Variants in GNPTAB observed in about 807,000 individuals in gnomAD.
GNPTAB encodes the protein N-acetylglucosamine-1-phosphotransferase subunits alpha/beta.
In GNPTAB, 92 loss-of-function variants were observed where a neutral mutation model predicts 136.6. The ratio of observed to expected loss-of-function variants is 0.67; its 90% CI spans 0.57 to 0.80. GNPTAB has a LOEUF of 0.80. Ranked by LOEUF, GNPTAB falls within the 30% of genes least tolerant of loss-of-function variation. The probability of loss-of-function intolerance (pLI) is 0.00; values close to 1 mark genes in which losing one functional copy is unlikely to be tolerated. For missense variants in GNPTAB, 1,343 were observed against 1,501.8 expected, an observed-to-expected ratio of 0.89 and a Z score of 1.75; for synonymous variants, 512 against 535.1, an observed-to-expected ratio of 0.96 and a Z score of 0.60.
rs536661111 is a variant in GNPTAB, at chr12:101,757,631, T to A, written c.3276A>T (p.Thr1092=). ...TTTTGTCAGTTACTGGTTTACAGTTTGTTACTAGACTTTTAGTGACCGGTG... is the reference window on the plus strand; with the variant it reads ...TTTTGTCAGTTACTGGTTTACAGTTAGTTACTAGACTTTTAGTGACCGGTG... ...NLPPVTKSLV[T]NCKPVTDKIH... Residue 1092 remains threonine (T), a synonymous_variant, in exon 17 of 21, where the codon ACA becomes ACT. Transcript: ENST00000299314. The A allele has an allele frequency of 3.2e-6, 5 of 1,585,272 alleles. No homozygotes were observed. The South Asian group carries it at 3.3e-5, about 11-fold the overall frequency.
Position 101,764,811 on chromosome 12 carries a change from G to C in GNPTAB, c.2106C>G (p.Leu702=). 1 of 1,614,166 alleles carries C rather than the reference G, an allele frequency of 6.2e-7. No individual in the cohort carries two copies. Among genetic ancestry groups the C allele is most frequent in the African/African-American group, 1.3e-5 (1 of 75,052 alleles). ...GACTCAACTGGGCGTCTTTTGGAAG[G>C]AGTGAAATATTTACCAGGGGAATTT... is the stretch of plus-strand genomic sequence containing the variant. The part of the protein sequence containing the change: ...EVKIPLVNIS[L]LPKDAQLSLN... Residue 702 remains leucine (L), a synonymous_variant, in exon 13 of 21, where the codon CTC becomes CTG. Coordinates refer to ENST00000299314, the MANE Select transcript of GNPTAB (RefSeq NM_024312.5).
At chr12:101,820,474 G>A (rs1050707092) in intron 1 of GNPTAB, among the ~76,000 whole-genome samples, 3 of 152,140 alleles carry the variant, frequency 2.0e-5, no homozygotes, top group African/African-American at 7.2e-5. Flanking sequence ...TTCTAATTCC[G>A]GATTTCTCAA....
At chr12:101,824,432 A>ATATATATATATATATATATTT (rs1188582277) in intron 1 of GNPTAB, among the ~76,000 whole-genome samples, 2 of 50,882 alleles carry the variant, frequency 3.9e-5, no homozygotes, top group Non-Finnish European at 7.0e-5. Flanking sequence ...ATATATATAT[A>ATATATATATATATATATATTT]TTTTCTTTTT....
chr12:101,782,968 A>G (rs1164237462), intron 5 of GNPTAB, among the ~76,000 whole-genome samples: 1 of 151,968 alleles, frequency 6.6e-6, no homozygotes, highest in African/African-American at 2.4e-5. Flanking sequence ...TGAGTGAGCA[A>G]TGTCCCTACC....
At chr12:101,796,297 G>A (rs779050060) in intron 2 of GNPTAB, 12 of 702,318 alleles carry the variant, frequency 1.7e-5, no homozygotes, top group Admixed American at 6.0e-5. Flanking sequence ...TGCAATTTAA[G>A]GTACCCAATA....
At chr12:101,796,079 C>A in intron 2 of GNPTAB, 1 of 594,600 alleles carries the variant, frequency 1.7e-6, no homozygotes, top group Non-Finnish European at 3.0e-6. Context: ...TTTGCTCCTC[C>A]CTCATAGGTA....
At chr12:101,806,177 A>T (rs768692336) in intron 1 of GNPTAB, among the ~76,000 whole-genome samples, 3 of 152,150 alleles carry the variant, frequency 2.0e-5, no homozygotes, top group South Asian at 2.1e-4. Context: ...AACATTATAT[A>T]AAAAAAGCAA....
chr12:101,800,166 C>A (rs1869529314), intron 1 of GNPTAB, among the ~76,000 whole-genome samples: 1 of 143,674 alleles, frequency 7.0e-6, no homozygotes, highest in Admixed American at 7.0e-5. Context: ...TCTCCTGGGA[C>A]CTCTGCCAGC....
At chr12:101,768,574 T>C (rs2137121795) in intron 10 of GNPTAB, among the ~76,000 whole-genome samples, 1 of 152,352 alleles carries the variant, frequency 6.6e-6, no homozygotes, top group South Asian at 2.1e-4. Context: ...ATTAGTGTAT[T>C]TGTGCATAAT....
At chr12:101,781,191 GGAGA>G (rs1004392822) in intron 5 of GNPTAB, among the ~76,000 whole-genome samples, 5 of 152,170 alleles carry the variant, frequency 3.3e-5, no homozygotes, top group Non-Finnish European at 7.4e-5. Flanking sequence ...AGCCCAACTG[GGAGA>G]GAGTTAGTGA....
chr12:101,796,813 A>T, intron 1 of GNPTAB, 51 bp from the exon 2 acceptor site: 1 of 1,162,266 alleles, frequency 8.6e-7, no homozygotes, highest in East Asian at 2.3e-5. Context: ...CTAAGAGTAT[A>T]TAACTTTCAT....
At chr12:101,763,708 G>T (rs1953037198) in intron 13 of GNPTAB, among the ~76,000 whole-genome samples, 1 of 152,214 alleles carries the variant, frequency 6.6e-6, no homozygotes, top group South Asian at 2.1e-4. Context: ...TTAGCACCGT[G>T]AGAGCACTGA....
Position 101,786,098 on chromosome 12 carries a change from T to A in GNPTAB, c.485A>T (p.His162Leu), listed in dbSNP as rs771160327. 1 of 1,614,062 alleles carries A rather than the reference T, an allele frequency of 6.2e-7. No individual in the cohort carries two copies. The highest frequency in any genetic ancestry group is 1.7e-5 in the Admixed American group (1 of 60,006). The change falls in exon 5 of 21, where the codon CAT becomes CTT. Residue 162 changes from histidine to leucine, a missense_variant. Transcript: ENST00000299314. ...KDLPSLYPSF[H>L]SASDIFNVAK... Reference sequence around the variant, plus strand: ...AACATTGAAAATGTCACTGGCAGAATGAAAAGAAGGATAAAGAGATGGCAG... The same window carrying A: ...AACATTGAAAATGTCACTGGCAGAAAGAAAAGAAGGATAAAGAGATGGCAG...
At chr12:101,809,983 T>C (rs965909198) in intron 1 of GNPTAB, among the ~76,000 whole-genome samples, 1 of 152,140 alleles carries the variant, frequency 6.6e-6, no homozygotes, top group Non-Finnish European at 1.5e-5. Flanking sequence ...CCCAAGGTGT[T>C]TTTAGGGGAA....
At position 101,780,574 on chromosome 12, in the gene GNPTAB, CTG is replaced by C; in HGVS notation, c.617_618del (p.Thr206SerfsTer10). The C allele has an allele frequency of 6.2e-7, 1 of 1,610,014 alleles. No homozygotes were observed. Among genetic ancestry groups the C allele is most frequent in the East Asian group, 2.2e-5 (1 of 44,842 alleles). ...TAACATACCAAGTAGCCCCTCCATACTGTCTGTCTGCTATTTCCTTTAAGCAG... is the reference window on the plus strand; with the variant it reads ...TAACATACCAAGTAGCCCCTCCATACTCTGTCTGCTATTTCCTTTAAGCAG... ...SGLLKGNSRQ[T>X]VWRGYLTTDK... On this transcript the variant is annotated frameshift_variant, in exon 6 of 21. Coordinates refer to ENST00000299314, the MANE Select transcript of GNPTAB (RefSeq NM_024312.5). LOFTEE classifies it high-confidence loss of function.
chr12:101,830,086 C>T (rs1303160873), intron 1 of GNPTAB, among the ~76,000 whole-genome samples: 1 of 152,054 alleles, frequency 6.6e-6, no homozygotes. Context: ...AGCTTTCCTC[C>T]CCGTTGCTAA....
rs281865019 is a variant in GNPTAB at position 101,753,516 on chromosome 12, T to C, written c.3458A>G (p.Asn1153Ser). Reference sequence around the variant, plus strand: ...AGCATCTTTATGATTGTGGTCAATGTTGTCATTCAGGCAAACAAACTTCCT... The same window carrying C: ...AGCATCTTTATGATTGTGGTCAATGCTGTCATTCAGGCAAACAAACTTCCT... The part of the protein sequence containing the change: ...NPRKFVCLND[N>S]IDHNHKDAQT... Residue 1153 changes from asparagine to serine, a missense_variant, in exon 19 of 21, where the codon AAC (asparagine) becomes AGC (serine). By Grantham distance (46) the Asn-to-Ser change is conservative. Transcript: ENST00000299314. 1 of 1,614,008 alleles carries C rather than the reference T, an allele frequency of 6.2e-7. No homozygotes were observed. Among genetic ancestry groups the C allele is most frequent in the Non-Finnish European group, 8.5e-7 (1 of 1,179,894 alleles).
intron 1 of GNPTAB, among the ~76,000 whole-genome samples, chr12:101,826,512 T>A (rs542417998): frequency 2.6e-5 from 4 of 151,922 alleles, no homozygotes; most frequent in Non-Finnish European, 4.4e-5. Context: ...TTTAATTTTT[T>A]TTTTTTTTCA....
chr12:101,770,414 T>C lies in GNPTAB; in HGVS notation c.1105A>G (p.Thr369Ala), dbSNP rs779634768. 2 of 1,610,730 alleles carry C rather than the reference T, an allele frequency of 1.2e-6. No homozygotes were observed. The highest frequency in any genetic ancestry group is 2.2e-5 in the East Asian group (1 of 44,870). ...NLDNPRVTIV[T>A]HQDVFRNLSH... The stretch of plus-strand genomic sequence containing the variant: ...TTTAGAAAGTCCTGTACCTGGTGTG[T>C]TACTATTGTCACTCGAGGATTGTCA... Residue 369 changes from threonine (T) to alanine (A), a missense_variant, in exon 9 of 21, where the codon ACA (threonine) becomes GCA (alanine). Coordinates refer to ENST00000299314, the MANE Select transcript of GNPTAB (RefSeq NM_024312.5).
Sources: allele counts gnomAD v4.1 joint callset (sites outside exome capture counted in the v4.1 genomes callset), GRCh38; gene constraint gnomAD v4.1.1; transcripts MANE v1.5; gene names NCBI Gene and HGNC (gene_info 2026-07-23, HGNC 2026-07-21).